The following CDK14 variants were observed in gnomAD, a reference collection of about 807,000 sequenced individuals.
The protein encoded by CDK14 is cyclin-dependent kinase 14.
Under a neutral mutation model 60.7 loss-of-function variants are expected in CDK14, and 34 were observed. That is an observed-to-expected ratio of 0.56 (90% CI 0.43 to 0.75). CDK14 has a LOEUF of 0.75. CDK14 is among the 30% of genes least tolerant of loss of function. The pLI is 0.00. For missense variants in CDK14, 482 were observed against 564.1 expected (o/e 0.85, Z 1.47); for synonymous variants, 197 against 203.7 (o/e 0.97, Z 0.28).
intron 1 of CDK14, among the ~76,000 whole-genome samples, chr7:90,599,084 T>TG (rs1265707441): frequency 6.6e-6 from 1 of 152,230 alleles, no homozygotes; most frequent in African/African-American, 2.4e-5. Flanking sequence ...GTTAAGAATG[T>TG]GGGCTGTGTG....
At chr7:90,981,703 A>G (rs1292212406) in intron 9 of CDK14, among the ~76,000 whole-genome samples, 1 of 152,126 alleles carries the variant, frequency 6.6e-6, no homozygotes, top group Non-Finnish European at 1.5e-5. Flanking sequence ...GTGTCCCAAT[A>G]TGTTCGTGGT....
At chr7:91,096,247 G>A (rs1377633348) in intron 12 of CDK14, among the ~76,000 whole-genome samples, 1 of 152,072 alleles carries the variant, frequency 6.6e-6, no homozygotes, top group African/African-American at 2.4e-5. Flanking sequence ...TCCAAGGTTA[G>A]GTTATAAAAG....
At chr7:90,707,534 C>T (rs1801925271) in intron 2 of CDK14, among the ~76,000 whole-genome samples, 1 of 152,170 alleles carries the variant, frequency 6.6e-6, no homozygotes, top group Non-Finnish European at 1.5e-5. Context: ...TGCCTCTAGT[C>T]CTGTAGGGCT....
rs886660712 is a variant in CDK14 at position 90,933,170 on chromosome 7, A to G, written c.826+15446A>G. On this transcript the variant is annotated intron_variant, in intron 8 of 14. Coordinates refer to ENST00000380050, the MANE Select transcript of CDK14 (RefSeq NM_001287135.2). ...GCCTGGGAAACATGGTGAAACCCCAACTCTACAAAAAATTAGCCAGGATTG... is the reference window on the plus strand; with the variant it reads ...GCCTGGGAAACATGGTGAAACCCCAGCTCTACAAAAAATTAGCCAGGATTG... Among the ~76,000 whole-genome samples, 11 of 151,520 alleles carry G rather than the reference A, an allele frequency of 7.3e-5. No homozygotes were observed. The South Asian group carries it at 1.7e-3, about 23-fold the overall frequency.
chr7:90,928,233 A>G (rs1373767290), intron 8 of CDK14, among the ~76,000 whole-genome samples: 3 of 152,162 alleles, frequency 2.0e-5, no homozygotes, highest in Non-Finnish European at 4.4e-5. Flanking sequence ...CATCAAAGTC[A>G]TTCTCCGTCC....
intron 12 of CDK14, among the ~76,000 whole-genome samples, chr7:91,093,950 C>T (rs1028346589): frequency 1.3e-5 from 2 of 152,020 alleles, no homozygotes; most frequent in Non-Finnish European, 2.9e-5. Context: ...TGAATGTTCT[C>T]GCTTGTAACT....
chr7:91,019,337 C>T lies in CDK14; in HGVS notation c.1042-26560C>T, dbSNP rs563005734. On this transcript the variant is annotated intron_variant, in intron 10 of 14. Coordinates refer to ENST00000380050, the MANE Select transcript of CDK14 (RefSeq NM_001287135.2). ...GTCTGTAACGTTAAGCTTTAGCACT[C>T]CTACTGCATCCTTACCCAGGGAAAA... is the stretch of plus-strand genomic sequence containing the variant. 2.0e-5 allele frequency among the ~76,000 whole-genome samples: 3 copies of T among 152,300 alleles called. No homozygotes were observed. In the East Asian group the frequency reaches 5.8e-4, roughly 29 times the overall value.
intron 6 of CDK14, among the ~76,000 whole-genome samples, chr7:90,895,379 T>A (rs182596914): frequency 2.2e-3 from 12 of 5,408 alleles, no homozygotes; most frequent in East Asian, 6.2e-3. Context: ...CCCTCCCCTC[T>A]CCTCTCCTCT....
chr7:90,941,691 C>A (rs1230717658), intron 8 of CDK14, among the ~76,000 whole-genome samples: 1 of 152,016 alleles, frequency 6.6e-6, no homozygotes, highest in African/African-American at 2.4e-5. Context: ...TGGGGGCCAG[C>A]AGTCTTCCTG....
chr7:91,075,666 G>A lies in CDK14; in HGVS notation c.1106-3766G>A, dbSNP rs542830859. ...TAAAGGATATTCAAATAGGAAGAGA[G>A]GAAGTCAAATTGCCTCTGTTTGCAG... On this transcript the variant is annotated intron_variant, in intron 11 of 14. Transcript: ENST00000380050. Among the ~76,000 whole-genome samples, 48 of 152,330 alleles carry A rather than the reference G, an allele frequency of 3.2e-4. 1 individual carries two copies. The South Asian group carries it at 9.9e-3, about 32-fold the overall frequency.
intron 9 of CDK14, among the ~76,000 whole-genome samples, chr7:90,966,871 C>T (rs2117611754): frequency 6.6e-6 from 1 of 152,206 alleles, no homozygotes; most frequent in Admixed American, 6.5e-5. Context: ...TGTGGTCTGC[C>T]TAGATTGTCA....
intron 12 of CDK14, among the ~76,000 whole-genome samples, chr7:91,089,011 G>A (rs1006329529): frequency 4.6e-5 from 7 of 152,148 alleles, no homozygotes; most frequent in Admixed American, 2.6e-4. Context: ...AAGATGAAGG[G>A]TAGTTCTCAT....
At chr7:90,881,066 G>A (rs1220295111) in intron 6 of CDK14, among the ~76,000 whole-genome samples, 1 of 152,184 alleles carries the variant, frequency 6.6e-6, no homozygotes, top group African/African-American at 2.4e-5. Context: ...TCTCCATCAA[G>A]GACAAAGAAC....
chr7:90,813,301 C>G (rs780684063), intron 5 of CDK14, among the ~76,000 whole-genome samples: 2 of 152,168 alleles, frequency 1.3e-5, no homozygotes, highest in Non-Finnish European at 2.9e-5. Flanking sequence ...TGAACTGTTA[C>G]AACTCTCTGG....
intron 10 of CDK14, among the ~76,000 whole-genome samples, chr7:90,998,530 G>C (rs1248788344): frequency 2.0e-5 from 3 of 152,178 alleles, no homozygotes; most frequent in African/African-American, 4.8e-5. Flanking sequence ...TGTGGTAGGT[G>C]GGGTAGAGAG....
intron 8 of CDK14, among the ~76,000 whole-genome samples, chr7:90,944,613 G>A (rs982009348): frequency 6.6e-6 from 1 of 152,124 alleles, no homozygotes; most frequent in African/African-American, 2.4e-5. Context: ...CACGCCTGTA[G>A]CCCTAGCTAC....
chr7:90,771,568 G>C (rs1444951231), intron 4 of CDK14, among the ~76,000 whole-genome samples: 2 of 152,210 alleles, frequency 1.3e-5, no homozygotes, highest in African/African-American at 4.8e-5. Flanking sequence ...CCTGAGTCTG[G>C]GGTTTTTATG....
intron 9 of CDK14, among the ~76,000 whole-genome samples, chr7:90,965,744 C>T (rs972293438): frequency 3.3e-5 from 5 of 152,150 alleles, no homozygotes; most frequent in Non-Finnish European, 5.9e-5. Context: ...ATTCTACTCT[C>T]ACAAATGATT....
chr7:90,693,567 G>C (rs6465281), intron 2 of CDK14, among the ~76,000 whole-genome samples: 124,660 of 152,146 alleles, frequency 0.82, 51,198 homozygotes, highest in Non-Finnish European at 0.84. Flanking sequence ...GGTAAGTAGA[G>C]CGGGAGAGCA....
Sources: gnomAD v4.1 joint callset for allele counts (sites outside exome capture counted in the v4.1 genomes callset) on GRCh38, gnomAD v4.1.1 for gene constraint, MANE v1.5 for transcripts, NCBI Gene and HGNC (gene_info 2026-07-23, HGNC 2026-07-21) for gene names.